The following TECTA variants were observed in gnomAD, a reference collection of about 807,000 sequenced individuals.
The protein encoded by TECTA is tectorin alpha.
Under a neutral mutation model 216.8 loss-of-function variants are expected in TECTA, and 128 were observed. The observed-to-expected ratio is 0.59, with a 90% CI of 0.51 to 0.68. The LOEUF (loss-of-function observed/expected upper bound fraction) is 0.68. TECTA is among the 30% of genes least tolerant of loss of function. The probability of loss-of-function intolerance (pLI) is 0.00; values close to 1 mark genes in which losing one functional copy is unlikely to be tolerated. For missense variants in TECTA, 2,551 were observed against 2,786.2 expected (o/e 0.92, Z 1.90); for synonymous variants, 1,089 against 1,117.1 (o/e 0.97, Z 0.50).
chr11:121,137,212 G>GCACACAAGCATGCA (rs1203528451), intron 10 of TECTA, among the ~76,000 whole-genome samples: 2 of 151,610 alleles, frequency 1.3e-5, no homozygotes, highest in East Asian at 3.9e-4. Flanking sequence ...ACACGCACTC[G>GCACACAAGCATGCA]CACACATGCA....
chr11:121,127,202 G>A lies in TECTA; in HGVS notation c.1775-550G>A, dbSNP rs2135080093. Reference sequence around the variant, plus strand: ...TTTGAATTCTTTGGAGGTAGCCAGGGCGCTTTCTTATTTTTAATATCCCAG... The same window carrying A: ...TTTGAATTCTTTGGAGGTAGCCAGGACGCTTTCTTATTTTTAATATCCCAG... On this transcript the variant is annotated intron_variant, in intron 8 of 23. Transcript: ENST00000392793. This position sits in a 1 kb window ranked among gnomAD's most constrained non-coding sequence, Gnocchi z 5.0. Among the ~76,000 whole-genome samples, 1 of 152,306 alleles carries A rather than the reference G, an allele frequency of 6.6e-6. No homozygotes were observed. Among genetic ancestry groups the A allele is most frequent in the South Asian group, 2.1e-4 (1 of 4,818 alleles).
chr11:121,184,347 A>G (rs1035636977), intron 20 of TECTA, among the ~76,000 whole-genome samples: 3 of 152,130 alleles, frequency 2.0e-5, no homozygotes, highest in Admixed American at 6.5e-5. Context: ...CTAGACTCAC[A>G]TTCTTATAGC....
chr11:121,144,746 C>T (rs1308315079), intron 11 of TECTA, among the ~76,000 whole-genome samples: 2 of 152,108 alleles, frequency 1.3e-5, no homozygotes, highest in African/African-American at 2.4e-5. Flanking sequence ...TGGGAGACAT[C>T]GTGCTGGGTG....
chr11:121,136,153 G>A (rs956726967), intron 10 of TECTA, among the ~76,000 whole-genome samples: 1 of 151,998 alleles, frequency 6.6e-6, no homozygotes, highest in Non-Finnish European at 1.5e-5. Flanking sequence ...GTAGAGATGG[G>A]GTTTCACCAT....
intron 11 of TECTA, among the ~76,000 whole-genome samples, chr11:121,141,508 G>A (rs1221060638): frequency 6.6e-6 from 1 of 152,188 alleles, no homozygotes. Context: ...ACAGGGTAGG[G>A]GGGTGAGCTG....
In TECTA at chr11:121,130,035, C is replaced by T. The variant is rs759235643; in HGVS notation, c.2765C>T (p.Ser922Phe). 6.2e-7 allele frequency: 1 copy of T among 1,612,980 alleles called. No individual in the cohort carries two copies. Among genetic ancestry groups the T allele is most frequent in the South Asian group, 1.1e-5 (1 of 90,986 alleles). The change falls in exon 10 of 24, where the codon TCC (serine) becomes TTC (phenylalanine). Residue 922 changes from serine (S) to phenylalanine (F), a missense_variant. Physicochemically the swap from Ser to Phe is radical, Grantham distance 155. Transcript: ENST00000392793. Reference sequence around the variant, plus strand: ...ATCATCAACGACCCCTCCAACAGCTCCTTCCTGGAGTGCCATGGGGTGGTG... The same window carrying T: ...ATCATCAACGACCCCTCCAACAGCTTCTTCCTGGAGTGCCATGGGGTGGTG... The part of the protein sequence containing the change: ...CGIINDPSNS[S>F]FLECHGVVNV...
Position 121,135,408 on chromosome 11 carries a change from A to T in TECTA, c.2942-2013A>T, listed in dbSNP as rs545106833. ...CACAATAAGTCATAAAGTGAGAGCCATTTAAATAAGTCATGTTATTTGCTA... is the reference window on the plus strand; with the variant it reads ...CACAATAAGTCATAAAGTGAGAGCCTTTTAAATAAGTCATGTTATTTGCTA... On this transcript the variant is annotated intron_variant, in intron 10 of 23. Coordinates refer to ENST00000392793, the MANE Select transcript of TECTA (RefSeq NM_005422.4). Among the ~76,000 whole-genome samples the T allele has an allele frequency of 3.9e-5, 6 of 152,378 alleles. No homozygotes were observed. The East Asian group carries it at 7.7e-4, about 20-fold the overall frequency.
At position 121,129,963 on chromosome 11, in the gene TECTA, A is replaced by G. The variant is rs1356443388; in HGVS notation, c.2693A>G (p.Asn898Ser). 3.1e-6 allele frequency: 5 copies of G among 1,606,454 alleles called. No homozygotes were observed. In the East Asian group the frequency reaches 6.7e-5, roughly 22 times the overall value. ...ECGDLLKACN[N>S]DSELLKFYRS... is the part of the protein sequence containing the mutation. The stretch of plus-strand genomic sequence containing the variant: ...GGGGACCTGCTGAAGGCCTGCAACA[A>G]TGACTCGGAGCTGCTCAAGTTTTAT... The change falls in exon 10 of 24, where the codon AAT becomes AGT. Residue 898 changes from asparagine (N) to serine (S), a missense_variant. Physicochemically the swap from Asn to Ser is conservative, Grantham distance 46. Transcript: ENST00000392793.
chr11:121,190,635 A>G, intron 23 of TECTA, 71 bp from the exon 24 acceptor site: 2 of 1,199,956 alleles, frequency 1.7e-6, no homozygotes, highest in Non-Finnish European at 2.5e-6. Context: ...GAGTGCTGCA[A>G]AGATGTCTGA....
At chr11:121,175,948 CTTCT>C (rs1947161559) in intron 20 of TECTA, among the ~76,000 whole-genome samples, 1 of 151,844 alleles carries the variant, frequency 6.6e-6, no homozygotes, top group East Asian at 1.9e-4. Flanking sequence ...ATGTAATGGC[CTTCT>C]TTGTCTCTTT....
rs1946835214 is a variant in TECTA at position 121,146,052 on chromosome 11, C to A, written c.4041C>A (p.Asn1347Lys). The A allele has an allele frequency of 4.3e-6, 7 of 1,613,610 alleles. No individual in the cohort carries two copies. The highest frequency in any genetic ancestry group is 5.9e-6 in the Non-Finnish European group (7 of 1,180,042). Residue 1347 changes from asparagine to lysine, a missense_variant, in exon 12 of 24, where the codon AAC becomes AAA. By Grantham distance (94) the Asn-to-Lys change is moderately conservative. Transcript: ENST00000392793. ...AVQTACSWLQ[N>K]YASTCQTQGI... ...AGACCGCCTGCAGCTGGCTGCAGAA[C>A]TACGCCAGCACCTGCCAGACTCAGG... is the stretch of plus-strand genomic sequence containing the variant.
At chr11:121,177,067 T>C (rs1947174815) in intron 20 of TECTA, among the ~76,000 whole-genome samples, 1 of 152,236 alleles carries the variant, frequency 6.6e-6, no homozygotes, top group African/African-American at 2.4e-5. Context: ...ATTCTAGTTA[T>C]ACATTCGTCT....
intron 20 of TECTA, among the ~76,000 whole-genome samples, chr11:121,187,584 TTTG>T (rs1444944979): frequency 3.3e-5 from 5 of 149,254 alleles, no homozygotes; most frequent in Non-Finnish European, 5.9e-5. Context: ...CTGCAGTCGT[TTTG>T]TTTTTAGTTG....
At chr11:121,108,460 CT>C (rs1468859250) in intron 3 of TECTA, among the ~76,000 whole-genome samples, 3 of 128,318 alleles carry the variant, frequency 2.3e-5, no homozygotes, top group African/African-American at 8.1e-5. Context: ...CACCCCACCC[CT>C]AGTACATACA....
chr11:121,110,921 A>T (rs1946436005), intron 4 of TECTA, among the ~76,000 whole-genome samples: 2 of 152,160 alleles, frequency 1.3e-5, no homozygotes, highest in Non-Finnish European at 1.5e-5. Flanking sequence ...AAAAAAGATG[A>T]TGTAGTTCTC....
chr11:121,164,239 C>T (rs1166394556), intron 16 of TECTA, among the ~76,000 whole-genome samples: 2 of 152,136 alleles, frequency 1.3e-5, no homozygotes, highest in Non-Finnish European at 2.9e-5. Flanking sequence ...TGTATTGGTA[C>T]TAACTATAGC....
intron 11 of TECTA, among the ~76,000 whole-genome samples, chr11:121,138,467 T>A (rs2135097355): frequency 6.6e-6 from 1 of 152,284 alleles, no homozygotes; most frequent in South Asian, 2.1e-4. Flanking sequence ...CCACTTCCCT[T>A]TTTTGAGATC....
At chr11:121,139,695 A>C (rs372944734) in intron 11 of TECTA, among the ~76,000 whole-genome samples, 25 of 152,048 alleles carry the variant, frequency 1.6e-4, no homozygotes, top group African/African-American at 5.6e-4. Flanking sequence ...GTCTCAAAAA[A>C]AAAAAAATAA....
intron 23 of TECTA, 85 bp downstream of exon 23, chr11:121,189,965 C>A: frequency 8.8e-7 from 1 of 1,132,574 alleles, no homozygotes; most frequent in Non-Finnish European, 1.3e-6. Flanking sequence ...GATTTGAAGG[C>A]CACTCGGTCA....
Sources: allele counts gnomAD v4.1 joint callset (sites outside exome capture counted in the v4.1 genomes callset), GRCh38; gene constraint gnomAD v4.1.1; non-coding constraint Gnocchi (gnomAD v3.1); transcripts MANE v1.5; gene names NCBI Gene and HGNC (gene_info 2026-07-23, HGNC 2026-07-21).